The following DNAH6 variants were observed in gnomAD, a reference collection of about 807,000 sequenced individuals.
DNAH6 encodes the protein axonemal beta dynein heavy chain 6.
A neutral mutation model predicts 491.4 loss-of-function variants in DNAH6; 340 were observed. The ratio of observed to expected loss-of-function variants is 0.69; its 90% CI spans 0.63 to 0.76. The LOEUF is 0.76. DNAH6 is among the 30% of genes least tolerant of loss of function. The pLI is 0.00. For missense variants in DNAH6, 4,443 were observed against 4,972.2 expected (o/e 0.89, Z 3.20); for synonymous variants, 1,603 against 1,686.1 (o/e 0.95, Z 1.21).
the DNAH6 span, among the ~76,000 whole-genome samples, chr2:84,509,737 G>A: frequency 2.6e-5 from 4 of 152,144 alleles, 1 homozygote; most frequent in South Asian, 8.3e-4. Flanking sequence ...TATGTTTAGT[G>A]CTTCCTTCAG....
intron 18 of DNAH6, among the ~76,000 whole-genome samples, chr2:84,600,465 T>C (rs1309778854): frequency 6.6e-6 from 1 of 152,156 alleles, no homozygotes; most frequent in Non-Finnish European, 1.5e-5. Context: ...TCATCCATGA[T>C]AAAACATTAC....
chr2:84,736,350 T>G (rs1699537403), intron 62 of DNAH6, among the ~76,000 whole-genome samples: 3 of 152,160 alleles, frequency 2.0e-5, no homozygotes, highest in African/African-American at 7.2e-5. Flanking sequence ...TTCCTATGAA[T>G]TTTAGAATAG....
intron 49 of DNAH6, 74 bp downstream of exon 49, chr2:84,701,413 T>G: frequency 1.4e-6 from 2 of 1,462,026 alleles, no homozygotes; most frequent in Non-Finnish European, 1.8e-6. Context: ...GGAAACTCTA[T>G]GCACTGTCTT....
At chr2:84,718,405 A>G in intron 59 of DNAH6, 21 bp downstream of exon 59, 1 of 1,494,712 alleles carries the variant, frequency 6.7e-7, no homozygotes, top group Non-Finnish European at 8.9e-7. Context: ...TATTTTTAGT[A>G]CTTATGGAAA....
chr2:84,544,337 G>A lies in DNAH6; in HGVS notation c.767G>A (p.Arg256Gln), dbSNP rs1259819662. 3.9e-6 allele frequency: 6 copies of A among 1,543,920 alleles called. No homozygotes were observed. Among genetic ancestry groups the A allele is most frequent in the African/African-American group, 2.7e-5 (2 of 72,900 alleles). The change falls in exon 5 of 77, where the codon CGA becomes CAA. Residue 256 changes from arginine (R) to glutamine (Q), a missense_variant. Coordinates refer to ENST00000389394, the MANE Select transcript of DNAH6 (RefSeq NM_001370.2). ...NEDIEFIEIDRWEQEYLYHRE... is the reference protein window; with the variant it reads ...NEDIEFIEIDQWEQEYLYHRE... ...GACATTGAATTTATCGAAATTGATC[G>A]ATGGGAACAGGAATATCTGTATCAC...
At chr2:84,640,224 C>T (rs1689262440) in intron 31 of DNAH6, among the ~76,000 whole-genome samples, 1 of 152,164 alleles carries the variant, frequency 6.6e-6, no homozygotes, top group African/African-American at 2.4e-5. Flanking sequence ...AGAATCAGTG[C>T]CTAGGTATCC....
At chr2:84,562,471 A>C (rs1285908282) in intron 11 of DNAH6, among the ~76,000 whole-genome samples, 1 of 152,224 alleles carries the variant, frequency 6.6e-6, no homozygotes, top group African/African-American at 2.4e-5. Flanking sequence ...AAAAATGAAA[A>C]GATGCTCAAT....
chr2:84,561,742 G>A (rs1163408449), intron 11 of DNAH6, among the ~76,000 whole-genome samples: 1 of 152,140 alleles, frequency 6.6e-6, no homozygotes, highest in Non-Finnish European at 1.5e-5. Context: ...GATATGAACA[G>A]ACATTTCTCA....
chr2:84,653,920 C>A, intron 34 of DNAH6, 46 bp downstream of exon 34: 1 of 1,448,638 alleles, frequency 6.9e-7, no homozygotes, highest in Non-Finnish European at 9.2e-7. Context: ...ATTAAATTGG[C>A]ATACTATCGT....
intron 38 of DNAH6, among the ~76,000 whole-genome samples, chr2:84,670,124 TG>T (rs1277916953): frequency 6.6e-6 from 1 of 152,236 alleles, no homozygotes; most frequent in Non-Finnish European, 1.5e-5. Context: ...TAAAACTTTT[TG>T]CTAAGATAGT....
At chr2:84,584,352 A>C in intron 15 of DNAH6, 102 bp downstream of exon 15, 1 of 1,194,290 alleles carries the variant, frequency 8.4e-7, no homozygotes, top group Non-Finnish European at 1.2e-6. Flanking sequence ...ATATATTTAC[A>C]ATATATAATG....
intron 30 of DNAH6, 144 bp downstream of exon 30, chr2:84,634,785 T>C: frequency 1.0e-6 from 1 of 953,004 alleles, no homozygotes; most frequent in South Asian, 2.4e-5. Flanking sequence ...TCTCCAGAGC[T>C]CACTGGACTA....
intron 76 of DNAH6, 32 bp from the exon 77 acceptor site, chr2:84,819,273 T>C: frequency 1.4e-6 from 2 of 1,449,302 alleles, no homozygotes; most frequent in Non-Finnish European, 9.4e-7. Flanking sequence ...TTCTCTTAAG[T>C]AACAACCTTT....
chr2:84,571,923 G>GA (rs971115274), intron 11 of DNAH6, among the ~76,000 whole-genome samples: 3 of 149,890 alleles, frequency 2.0e-5, no homozygotes, highest in Non-Finnish European at 3.0e-5. Flanking sequence ...GTCTCAAAAA[G>GA]AAAAAAAAGA....
Position 84,605,542 on chromosome 2 carries a change from C to A in DNAH6, c.3124C>A (p.His1042Asn), listed in dbSNP as rs915315739. 1 of 1,551,552 alleles carries A rather than the reference C, an allele frequency of 6.4e-7. No homozygotes were observed. Among genetic ancestry groups the A allele is most frequent in the Non-Finnish European group, 8.7e-7 (1 of 1,146,908 alleles). Residue 1042 changes from histidine to asparagine, a missense_variant, in exon 20 of 77, where the codon CAC (histidine) becomes AAC (asparagine). This residue lies in a region of DNAH6 where 2,977 missense variants were observed against 3,296.6 expected (regional missense o/e 0.90). Coordinates refer to ENST00000389394, the MANE Select transcript of DNAH6 (RefSeq NM_001370.2). ...AACAACTGAATTTGTCATTCTGCCT[C>A]ACCGTGACTCCAAAGATGTGTTTAT... ...WKTTEFVILP[H>N]RDSKDVFILG... is the part of the protein sequence containing the mutation.
At chr2:84,756,647 C>T (rs1320873302) in intron 63 of DNAH6, among the ~76,000 whole-genome samples, 3 of 152,224 alleles carry the variant, frequency 2.0e-5, no homozygotes, top group African/African-American at 7.2e-5. Flanking sequence ...TTAAACTTAT[C>T]TTCTCATCCA....
At chr2:84,618,021 G>C (rs990774507) in intron 23 of DNAH6, among the ~76,000 whole-genome samples, 1 of 152,066 alleles carries the variant, frequency 6.6e-6, no homozygotes, top group East Asian at 1.9e-4. Context: ...ATTTTGAAAT[G>C]TGACAACTCT....
At chr2:84,581,242 A>C (rs1022571207) in intron 14 of DNAH6, among the ~76,000 whole-genome samples, 1 of 152,324 alleles carries the variant, frequency 6.6e-6, no homozygotes, top group African/African-American at 2.4e-5. Context: ...TGCAGTATGC[A>C]GAAAACATAG....
chr2:84,475,209 C>T, the DNAH6 span, among the ~76,000 whole-genome samples: 1 of 152,106 alleles, frequency 6.6e-6, no homozygotes, highest in East Asian at 1.9e-4. Flanking sequence ...TTTGGTGGCT[C>T]CCCAGGAAGT....
Sources: gnomAD v4.1 joint callset for allele counts (sites outside exome capture counted in the v4.1 genomes callset) on GRCh38, gnomAD v4.1.1 for gene constraint, gnomAD v4.1.1 regional missense constraint, MANE v1.5 for transcripts, NCBI Gene and HGNC (gene_info 2026-07-23, HGNC 2026-07-21) for gene names.